The following KYNU variants were observed in gnomAD, a reference collection of about 807,000 sequenced individuals.
KYNU encodes L-kynurenine hydrolase.
A neutral mutation model predicts 59.2 loss-of-function variants in KYNU; 54 were observed. The observed-to-expected ratio is 0.91, with a 90% CI of 0.73 to 1.14. The LOEUF (loss-of-function observed/expected upper bound fraction) is 1.14. KYNU is among the 50% of genes most tolerant of loss of function. The pLI, the probability that KYNU is intolerant of heterozygous loss-of-function variation, is 0.00. For missense variants in KYNU, 567 were observed against 554.4 expected, an observed-to-expected ratio of 1.02 and a Z score of -0.23; for synonymous variants, 177 against 192.0, an observed-to-expected ratio of 0.92 and a Z score of 0.65.
chr2:142,977,372 G>GAGTTATATATATATATATATATAT (rs1553484697), intron 8 of KYNU, among the ~76,000 whole-genome samples: 2 of 131,152 alleles, frequency 1.5e-5, no homozygotes, highest in African/African-American at 5.8e-5. Context: ...ATTTTGTGTG[G>GAGTTATATATATATATATATATAT]ATATATATAT....
intron 2 of KYNU, among the ~76,000 whole-genome samples, chr2:142,898,006 A>G (rs991978844): frequency 3.0e-4 from 46 of 152,000 alleles, no homozygotes; most frequent in Non-Finnish European, 1.0e-4. Context: ...GACTCAATCG[A>G]TCCTCCCACC....
At chr2:142,989,214 T>C (rs184502820) in intron 10 of KYNU, 261 of 346,776 alleles carry the variant, frequency 7.5e-4, no homozygotes, top group African/African-American at 5.3e-3. Flanking sequence ...GAGTAAACTT[T>C]AGAGTCTGTA....
intron 8 of KYNU, among the ~76,000 whole-genome samples, chr2:142,972,563 A>G (rs1219035568): frequency 2.6e-5 from 4 of 151,986 alleles, no homozygotes; most frequent in East Asian, 1.9e-4. Flanking sequence ...TGTATTTCCA[A>G]TTTTCCTAGC....
chr2:142,998,852 C>A (rs528595172), intron 10 of KYNU, among the ~76,000 whole-genome samples: 1 of 151,596 alleles, frequency 6.6e-6, no homozygotes, highest in South Asian at 2.1e-4. Context: ...ACTAAAAATA[C>A]AAAAAAGTTA....
intron 10 of KYNU, among the ~76,000 whole-genome samples, chr2:143,004,830 A>G (rs1281744848): frequency 1.3e-5 from 2 of 152,218 alleles, no homozygotes; most frequent in African/African-American, 4.8e-5. Context: ...TGATGAAATC[A>G]TATCTCATTA....
At chr2:143,004,773 T>C (rs957710434) in intron 10 of KYNU, among the ~76,000 whole-genome samples, 5 of 152,174 alleles carry the variant, frequency 3.3e-5, no homozygotes, top group African/African-American at 1.2e-4. Context: ...CACCAATGTT[T>C]CCTAAATTCT....
chr2:142,969,846 T>G (rs1187666097), intron 8 of KYNU, among the ~76,000 whole-genome samples: 1 of 152,192 alleles, frequency 6.6e-6, no homozygotes, highest in Non-Finnish European at 1.5e-5. Context: ...TTGTAGATGA[T>G]AGATGTTTCA....
intron 10 of KYNU, among the ~76,000 whole-genome samples, chr2:142,995,075 G>C (rs1410420899): frequency 2.0e-5 from 3 of 151,976 alleles, no homozygotes; most frequent in Non-Finnish European, 4.4e-5. Context: ...TGGACTTGGA[G>C]CATCGGTATT....
intron 2 of KYNU, among the ~76,000 whole-genome samples, chr2:142,917,775 G>A (rs1332374350): frequency 6.6e-6 from 1 of 152,206 alleles, no homozygotes; most frequent in Non-Finnish European, 1.5e-5. Flanking sequence ...CTATAAAAGG[G>A]ATCAGGTTGA....
chr2:143,036,437 A>G (rs1018435983), intron 12 of KYNU, among the ~76,000 whole-genome samples: 5 of 152,036 alleles, frequency 3.3e-5, no homozygotes, highest in Non-Finnish European at 7.4e-5. Context: ...GAGGGTAACA[A>G]AGGAAGGAGG....
chr2:143,006,295 G>C, intron 10 of KYNU, among the ~76,000 whole-genome samples: 2 of 151,914 alleles, frequency 1.3e-5, no homozygotes, highest in East Asian at 3.9e-4. Context: ...AAGGGGTGAC[G>C]GACGCACCTG....
At position 143,040,413 on chromosome 2, in the gene KYNU, T is replaced by C. The variant is rs1170303932; in HGVS notation, c.1042-15T>C. 1 of 1,590,490 alleles carries C rather than the reference T, an allele frequency of 6.3e-7. No individual in the cohort carries two copies. The highest frequency in any genetic ancestry group is 1.1e-5 in the South Asian group (1 of 90,572). On this transcript the variant is annotated splice_polypyrimidine_tract_variant and intron_variant, in intron 12 of 13. Transcript: ENST00000264170. The stretch of plus-strand genomic sequence containing the variant: ...TCAATAAGACACTTTAATCTGATTG[T>C]TTCTCATTCCACAGATCTTTAAGCA...
chr2:142,912,088 C>A (rs1229340561), intron 2 of KYNU, among the ~76,000 whole-genome samples: 1 of 151,998 alleles, frequency 6.6e-6, no homozygotes, highest in Non-Finnish European at 1.5e-5. Context: ...GGAGTCACCC[C>A]CTCCTTAATT....
intron 9 of KYNU, 79 bp from the exon 10 acceptor site, chr2:142,985,869 A>C (rs1685182046): frequency 1.0e-6 from 1 of 963,360 alleles, no homozygotes; most frequent in Admixed American, 1.9e-5. Flanking sequence ...GTTTCAATTA[A>C]AAAATTCAAA....
At chr2:142,987,913 C>A (rs886305021) in intron 10 of KYNU, among the ~76,000 whole-genome samples, 2 of 151,818 alleles carry the variant, frequency 1.3e-5, no homozygotes, top group Admixed American at 1.3e-4. Flanking sequence ...CCTTCTCCTT[C>A]TCTCTCTTCC....
At chr2:143,005,016 A>T (rs1033600275) in intron 10 of KYNU, among the ~76,000 whole-genome samples, 1 of 152,214 alleles carries the variant, frequency 6.6e-6, no homozygotes, top group Non-Finnish European at 1.5e-5. Flanking sequence ...CAACAAAAAT[A>T]TCTTGCCCTA....
chr2:143,031,330 C>G (rs1686730504), intron 11 of KYNU, among the ~76,000 whole-genome samples: 1 of 152,166 alleles, frequency 6.6e-6, no homozygotes, highest in Admixed American at 6.5e-5. Flanking sequence ...CTAGGCTATA[C>G]AGTCTCTGTG....
rs1235147727 is a variant in KYNU, at chr2:143,006,851, C to T, written c.902+20830C>T. Among the ~76,000 whole-genome samples the T allele has an allele frequency of 2.6e-5, 4 of 152,124 alleles. No individual in the cohort carries two copies. The South Asian group carries it at 6.2e-4, about 24-fold the overall frequency. ...CAGACCCTGCAGCTGAGGGTCCTGT[C>T]TGTTAGAAGGAAAACTAACAAGCAG... On this transcript the variant is annotated intron_variant, in intron 10 of 13. Transcript: ENST00000264170.
intron 2 of KYNU, among the ~76,000 whole-genome samples, chr2:142,888,298 T>TAATACA (rs1249408120): frequency 3.3e-5 from 5 of 151,962 alleles, no homozygotes; most frequent in Non-Finnish European, 7.4e-5. Flanking sequence ...TCTGTACAAA[T>TAATACA]AATACAAAAA....
Sources: gnomAD v4.1 joint callset for allele counts (sites outside exome capture counted in the v4.1 genomes callset) on GRCh38, gnomAD v4.1.1 for gene constraint, MANE v1.5 for transcripts, NCBI Gene and HGNC (gene_info 2026-07-23, HGNC 2026-07-21) for gene names.